The following PREP variants were observed in gnomAD, a reference collection of about 807,000 sequenced individuals.
The protein encoded by PREP is prolyl endopeptidase, also known as dJ355L5.1 (prolyl endopeptidase).
A neutral mutation model predicts 87.6 loss-of-function variants in PREP; 29 were observed. The ratio of observed to expected loss-of-function variants is 0.33; its 90% CI spans 0.25 to 0.45. The LOEUF (loss-of-function observed/expected upper bound fraction) is 0.45, where lower values mean the gene tolerates loss of function less well. Ranked by LOEUF, PREP falls within the 20% of genes least tolerant of loss-of-function variation. The pLI, the probability that PREP is intolerant of heterozygous loss-of-function variation, is 1.00. For missense variants in PREP, 695 were observed against 886.5 expected (o/e 0.78, Z 2.74); for synonymous variants, 337 against 328.6 (o/e 1.03, Z -0.28).
intron 6 of PREP, among the ~76,000 whole-genome samples, chr6:105,360,879 C>A (rs1772228373): frequency 6.6e-6 from 1 of 152,136 alleles, no homozygotes; most frequent in Non-Finnish European, 1.5e-5. Context: ...TCAAACAATT[C>A]CACTTCACAA....
At position 105,322,121 on chromosome 6, in the gene PREP, C is replaced by G. The variant is rs117371788; in HGVS notation, c.1317+1544G>C. 1,750 of 208,510 alleles carry G rather than the reference C, an allele frequency of 8.4e-3. 111 individuals carry two copies. In the East Asian group the frequency reaches 0.17, roughly 20 times the overall value. The allele number at this position is 208,510 out of a possible 1,614,324, so 12.9% of individuals were successfully genotyped here. A position where few individuals can be genotyped will look rare whatever the true frequency, so the allele number is the denominator to read the frequency against. ...CAAAGAATGCCAGACTAAAAGTGAACAGATGTTAGAAAATTGGTATAGGAT... is the reference window on the plus strand; with the variant it reads ...CAAAGAATGCCAGACTAAAAGTGAAGAGATGTTAGAAAATTGGTATAGGAT... On this transcript the variant is annotated intron_variant, in intron 10 of 14. Coordinates refer to ENST00000652536, the MANE Select transcript of PREP (RefSeq NM_002726.5).
intron 7 of PREP, among the ~76,000 whole-genome samples, chr6:105,343,358 C>A (rs1241476003): frequency 6.6e-6 from 1 of 152,154 alleles, no homozygotes; most frequent in Admixed American, 6.5e-5. Context: ...CTTCCTTATA[C>A]CTTATACAAA....
chr6:105,400,170 C>T (rs1399360862), intron 1 of PREP, among the ~76,000 whole-genome samples: 1 of 152,140 alleles, frequency 6.6e-6, no homozygotes, highest in Admixed American at 6.5e-5. Flanking sequence ...TAGCCACTTC[C>T]CTTGAATCAA....
At chr6:105,376,058 TG>T in intron 4 of PREP, 66 bp downstream of exon 4, 1 of 1,537,326 alleles carries the variant, frequency 6.5e-7, no homozygotes. Flanking sequence ...GTAAAGCAAC[TG>T]CACTAACTTC....
At chr6:105,395,110 T>A (rs1773255544) in intron 2 of PREP, among the ~76,000 whole-genome samples, 1 of 152,166 alleles carries the variant, frequency 6.6e-6, no homozygotes, top group South Asian at 2.1e-4. Context: ...CATGGTAGAA[T>A]ATGAAGTCAG....
Position 105,278,503 on chromosome 6 carries a change from T to G in PREP, c.1839-65A>C. On this transcript the variant is annotated intron_variant, in intron 14 of 14. Coordinates refer to ENST00000652536, the MANE Select transcript of PREP (RefSeq NM_002726.5). The surrounding 1 kb of genome is among the most constrained non-coding windows in gnomAD (Gnocchi z 4.2). ...AGTAGAGTTTTATGGCACAGGGACC[T>G]AGGTAGTTAATTAGCAGTGAGGACT... The G allele has an allele frequency of 6.7e-7, 1 of 1,489,190 alleles. No individual in the cohort carries two copies. Among genetic ancestry groups the G allele is most frequent in the East Asian group, 2.3e-5 (1 of 43,954 alleles). The allele number at this position is 1,489,190 out of a possible 1,614,324, so 92.2% of individuals were successfully genotyped here. A position where few individuals can be genotyped will look rare whatever the true frequency, so the allele number is the denominator to read the frequency against.
At position 105,276,101 on chromosome 6, in the gene PREP, G is replaced by A. The variant is rs1769925194; in HGVS notation, c.*2043C>T. Among the ~76,000 whole-genome samples the A allele has an allele frequency of 6.6e-6, 1 of 152,172 alleles. No individual in the cohort carries two copies. Among genetic ancestry groups the A allele is most frequent in the Non-Finnish European group, 1.5e-5 (1 of 68,040 alleles). The stretch of plus-strand genomic sequence containing the variant: ...AAGAATCCCTTAGAGTTCTGGGTAG[G>A]AGCCCAATCTCAAGTCTTATTTCTA... On this transcript the variant is annotated 3_prime_UTR_variant, in exon 15 of 15. Coordinates refer to ENST00000652536, the MANE Select transcript of PREP (RefSeq NM_002726.5).
chr6:105,285,678 T>A, intron 11 of PREP, 98 bp from the exon 12 acceptor site: 2 of 892,500 alleles, frequency 2.2e-6, no homozygotes, highest in Non-Finnish European at 1.8e-6. Flanking sequence ...AACAACACTC[T>A]GAGTAATATC....
intron 10 of PREP, among the ~76,000 whole-genome samples, chr6:105,317,986 A>G (rs1228316449): frequency 1.3e-5 from 2 of 152,038 alleles, no homozygotes; most frequent in East Asian, 3.9e-4. Context: ...AGGAGCCTTC[A>G]TTTTTCCAAT....
chr6:105,364,499 G>C (rs72933878), intron 6 of PREP, among the ~76,000 whole-genome samples: 1 of 152,134 alleles, frequency 6.6e-6, no homozygotes, highest in Non-Finnish European at 1.5e-5. Flanking sequence ...AGCCGAAGGG[G>C]AGGTTGACGA....
intron 10 of PREP, among the ~76,000 whole-genome samples, chr6:105,321,257 T>C (rs979088799): frequency 6.6e-5 from 10 of 152,228 alleles, no homozygotes; most frequent in Non-Finnish European, 1.0e-4. Flanking sequence ...ATCTGTACTA[T>C]CCAGGTACTG....
intron 9 of PREP, among the ~76,000 whole-genome samples, chr6:105,328,283 G>T (rs1244904544): frequency 6.6e-6 from 1 of 150,782 alleles, no homozygotes; most frequent in East Asian, 1.9e-4. Flanking sequence ...TTTTGAGATG[G>T]AGTCTCACTC....
rs910785971 is a variant in PREP, at chr6:105,277,012, T to G, written c.*1132A>C. Among the ~76,000 whole-genome samples the G allele has an allele frequency of 6.6e-6, 1 of 152,106 alleles. No individual in the cohort carries two copies. Among genetic ancestry groups the G allele is most frequent in the African/African-American group, 2.4e-5 (1 of 41,426 alleles). ...TAAAGCAAGACAAAGGAAAAAAAAC[T>G]GTTTTAAGTTAGATCAGCATTTCCC... On this transcript the variant is annotated 3_prime_UTR_variant, in exon 15 of 15. Coordinates refer to ENST00000652536, the MANE Select transcript of PREP (RefSeq NM_002726.5).
At chr6:105,298,934 C>CAA (rs1480530468) in intron 10 of PREP, 2 of 152,238 alleles carry the variant, frequency 1.3e-5, no homozygotes, top group African/African-American at 4.8e-5. Context: ...AATTCTCCTT[C>CAA]AAAAAAACCA....
chr6:105,352,614 C>A (rs1412242417), intron 7 of PREP, among the ~76,000 whole-genome samples: 2 of 152,176 alleles, frequency 1.3e-5, no homozygotes, highest in East Asian at 3.8e-4. Context: ...GCCTCCTGAG[C>A]CCCTAGGATT....
intron 6 of PREP, among the ~76,000 whole-genome samples, chr6:105,360,532 T>C (rs1202800065): frequency 6.6e-6 from 1 of 152,202 alleles, no homozygotes; most frequent in East Asian, 1.9e-4. Flanking sequence ...ATTAATCCAT[T>C]AACAATTCTA....
intron 7 of PREP, among the ~76,000 whole-genome samples, chr6:105,335,143 G>A (rs1051107959): frequency 3.3e-5 from 5 of 152,136 alleles, no homozygotes; most frequent in Admixed American, 2.6e-4. Context: ...TTTTAATAAA[G>A]TTGAAACCAC....
At chr6:105,370,339 T>C (rs1772503024) in intron 5 of PREP, among the ~76,000 whole-genome samples, 1 of 147,666 alleles carries the variant, frequency 6.8e-6, no homozygotes. Context: ...GATATAACTA[T>C]ACACCTGTAA....
In PREP at chr6:105,291,746, T is replaced by C. The variant is rs1162065816; in HGVS notation, c.1318-2852A>G. ...GTCCTTCTAAGAGAACTCTGACCAA[T>C]ACACTGTTTAATAACATTTTACTCA... On this transcript the variant is annotated intron_variant, in intron 10 of 14. Transcript: ENST00000652536. Among the ~76,000 whole-genome samples the C allele has an allele frequency of 2.0e-5, 3 of 152,338 alleles. No homozygotes were observed. In the East Asian group the frequency reaches 5.8e-4, roughly 29 times the overall value.
Sources: allele counts gnomAD v4.1 joint callset (sites outside exome capture counted in the v4.1 genomes callset), GRCh38; gene constraint gnomAD v4.1.1; non-coding constraint Gnocchi (gnomAD v3.1); transcripts MANE v1.5; gene names NCBI Gene and HGNC (gene_info 2026-07-23, HGNC 2026-07-21).